Variants in ANKS3 observed in about 807,000 individuals in gnomAD.
ANKS3 encodes the protein ankyrin repeat and SAM domain-containing protein 3.
Under a neutral mutation model 80.7 loss-of-function variants are expected in ANKS3, and 62 were observed. The observed-to-expected ratio is 0.77, with a 90% CI of 0.63 to 0.95. The LOEUF (loss-of-function observed/expected upper bound fraction) is 0.95. Among genes scored for constraint, ANKS3 ranks in the 40% least tolerant of loss-of-function variants. The pLI, the probability that ANKS3 is intolerant of heterozygous loss-of-function variation, is 0.00. For synonymous variants in ANKS3, 489 were observed against 355.3 expected (o/e 1.38, Z -4.23); for missense variants, 1,150 against 883.6 (o/e 1.30, Z -3.82).
At chr16:4,729,938 C>A (rs369755503) in intron 3 of ANKS3, 42 bp downstream of exon 3, 2 of 1,442,292 alleles carry the variant, frequency 1.4e-6, no homozygotes, top group South Asian at 1.6e-5. Flanking sequence ...GCCATCACTG[C>A]GCTGCTCAAA....
At chr16:4,706,017 C>T (rs61167135) in intron 7 of ANKS3, among the ~76,000 whole-genome samples, 1,568 of 151,882 alleles carry the variant, frequency 0.01, 22 homozygotes, top group African/African-American at 0.037. Flanking sequence ...CCTATCTCAG[C>T]CTCCCGAGTA....
chr16:4,699,801 T>C (rs1384792524), intron 11 of ANKS3: 2 of 152,926 alleles, frequency 1.3e-5, no homozygotes, highest in Non-Finnish European at 2.9e-5. Context: ...TCACAAGTTG[T>C]CTGACTCTTC....
Position 4,725,123 on chromosome 16 carries a change from A to G in ANKS3, c.492-292T>C, listed in dbSNP as rs1016095424. ...GGCTACCTCTGAAATCTCCACCTCA[A>G]TCATATTCAAAAAGCTGTTCTAATT... On this transcript the variant is annotated intron_variant, in intron 5 of 17. Transcript: ENST00000304283. 8 of 273,396 alleles carry G rather than the reference A, an allele frequency of 2.9e-5. No individual in the cohort carries two copies. The Admixed American group carries it at 3.2e-4, about 11-fold the overall frequency. 16.9% of individuals were successfully genotyped at this position (273,396 alleles called of 1,614,324 possible).
In ANKS3 at chr16:4,698,424, C is replaced by T. The variant is rs1392526132; in HGVS notation, c.1724+3G>A. On this transcript the variant is annotated splice_donor_region_variant and intron_variant, in intron 14 of 17. Coordinates refer to ENST00000304283, the MANE Select transcript of ANKS3 (RefSeq NM_133450.4). ...CAGCCCAGGGCAGCTCAGAGCCACT[C>T]ACCGCAGCTGGTCCAGGACGAGGGC... is the stretch of plus-strand genomic sequence containing the variant. The T allele has an allele frequency of 6.6e-7, 1 of 1,511,690 alleles. No homozygotes were observed. Among genetic ancestry groups the T allele is most frequent in the South Asian group, 1.3e-5 (1 of 78,602 alleles). 93.6% of individuals were successfully genotyped at this position (1,511,690 alleles called of 1,614,324 possible). A position where few individuals can be genotyped will look rare whatever the true frequency, so the allele number is the denominator to read the frequency against.
At chr16:4,717,844 G>T (rs773730900) in intron 6 of ANKS3, among the ~76,000 whole-genome samples, 6 of 151,686 alleles carry the variant, frequency 4.0e-5, no homozygotes, top group Non-Finnish European at 5.9e-5. Flanking sequence ...CACCCAGGCT[G>T]GAGTGCAATG....
At chr16:4,698,639 C>G in intron 13 of ANKS3, 40 bp from the exon 14 acceptor site, 1 of 1,533,496 alleles carries the variant, frequency 6.5e-7, no homozygotes, top group Non-Finnish European at 8.7e-7. Context: ...TGGGAGGTGG[C>G]CGGTCAAGCC....
In ANKS3 at chr16:4,701,380, A is replaced by C. The variant is rs1360510891; in HGVS notation, c.1119+54T>G. 3.2e-5 allele frequency: 48 copies of C among 1,483,436 alleles called. No homozygotes were observed. In the East Asian group the frequency reaches 1.1e-3, roughly 34 times the overall value. The allele number at this position is 1,483,436 out of a possible 1,614,324, so 91.9% of individuals were successfully genotyped here. A position where few individuals can be genotyped will look rare whatever the true frequency, so the allele number is the denominator to read the frequency against. ...CATCTTAAAGTAACTGGGGGATGTC[A>C]GGCATCCCAGCCAGGGACCGGCTAT... On this transcript the variant is annotated intron_variant, in intron 10 of 17. Transcript: ENST00000304283.
At chr16:4,732,030 A>G (rs1454826327) in intron 1 of ANKS3, among the ~76,000 whole-genome samples, 2 of 152,188 alleles carry the variant, frequency 1.3e-5, no homozygotes, top group African/African-American at 4.8e-5. Context: ...TTTCTATTAA[A>G]GAATGCTTCC....
chr16:4,704,530 C>T (rs1023674002), intron 8 of ANKS3, among the ~76,000 whole-genome samples: 41 of 152,306 alleles, frequency 2.7e-4, no homozygotes, highest in Admixed American at 2.0e-3. Flanking sequence ...AAGAGCAAAA[C>T]GCTCAACACC....
chr16:4,715,964 T>C (rs965570027), intron 6 of ANKS3, among the ~76,000 whole-genome samples: 3 of 152,086 alleles, frequency 2.0e-5, no homozygotes, highest in Non-Finnish European at 4.4e-5. Context: ...ATGAGCTACG[T>C]GAGAGCATAT....
rs147440968 is a variant in ANKS3, at chr16:4,712,562, C to T, written c.709+1489G>A. On this transcript the variant is annotated intron_variant, in intron 7 of 17. Transcript: ENST00000304283. ...TTAGGAGGTTCATGAAGACAATCTACCATATGAAAATTCACCATCGTCTCC... is the reference window on the plus strand; with the variant it reads ...TTAGGAGGTTCATGAAGACAATCTATCATATGAAAATTCACCATCGTCTCC... Among the ~76,000 whole-genome samples the T allele has an allele frequency of 6.4e-4, 98 of 152,184 alleles. 1 individual carries two copies. In the East Asian group the frequency reaches 0.017, roughly 26 times the overall value.
chr16:4,714,092 G>C lies in ANKS3; in HGVS notation c.668C>G (p.Thr223Ser), dbSNP rs775247288. Reference protein sequence around the residue: ...GHMKIVALMDTYSPSLPKSLY... With the variant: ...GHMKIVALMDSYSPSLPKSLY... ...GCTCTTGGGCAGAGAGGGCGAGTAAGTGTCCATCAAGGCCACGATCTTCAT... is the reference window on the plus strand; with the variant it reads ...GCTCTTGGGCAGAGAGGGCGAGTAACTGTCCATCAAGGCCACGATCTTCAT... The change falls in exon 7 of 18, where the codon ACT (threonine) becomes AGT (serine). Residue 223 changes from threonine (T) to serine (S), a missense_variant. Thr to Ser is a moderately conservative substitution (Grantham distance 58). Transcript: ENST00000304283. The C allele has an allele frequency of 7.4e-6, 12 of 1,614,216 alleles. No homozygotes were observed. The highest frequency in any genetic ancestry group is 1.0e-5 in the Non-Finnish European group (12 of 1,180,050).
intron 1 of ANKS3, among the ~76,000 whole-genome samples, chr16:4,732,098 A>C (rs1416327801): frequency 4.6e-5 from 7 of 152,174 alleles, no homozygotes; most frequent in African/African-American, 1.7e-4. Context: ...TGGGAGACGA[A>C]CACTTCACAG....
Position 4,699,169 on chromosome 16 carries a change from G to T in ANKS3, c.1292C>A (p.Ala431Asp). The T allele has an allele frequency of 6.2e-7, 1 of 1,613,964 alleles. No individual in the cohort carries two copies. Among genetic ancestry groups the T allele is most frequent in the Non-Finnish European group, 8.5e-7 (1 of 1,179,978 alleles). ...ACACCCGATCTGCTCCAGCAGTGCG[G>T]CAAGGTCCTGGCAGGCACAGGGGAC... ...RAPYSGPQDL[A>D]ALLEQIGCLK... Residue 431 changes from alanine to aspartate, a missense_variant, in exon 12 of 18, where the codon GCC (alanine) becomes GAC (aspartate). Transcript: ENST00000304283.
Position 4,704,030 on chromosome 16 carries a change from C to T in ANKS3, c.868+1065G>A, listed in dbSNP as rs977635491. On this transcript the variant is annotated intron_variant, in intron 8 of 17. Coordinates refer to ENST00000304283, the MANE Select transcript of ANKS3 (RefSeq NM_133450.4). ...AAGGAAGAGACTCTGCCACTCAGAA[C>T]GACCAGCCCGGTGTCCCAGAGCCAG... Among the ~76,000 whole-genome samples, 4 of 152,344 alleles carry T rather than the reference C, an allele frequency of 2.6e-5. No individual in the cohort carries two copies. The East Asian group carries it at 5.8e-4, about 22-fold the overall frequency.
At chr16:4,711,967 C>A (rs1041133040) in intron 7 of ANKS3, among the ~76,000 whole-genome samples, 8 of 152,140 alleles carry the variant, frequency 5.3e-5, no homozygotes, top group African/African-American at 1.7e-4. Context: ...CCAGGTAGCA[C>A]TAATGCTACG....
Position 4,726,781 on chromosome 16 carries a change from C to T in ANKS3, c.370-1G>A. 1.2e-6 allele frequency: 2 copies of T among 1,612,420 alleles called. No homozygotes were observed. Among genetic ancestry groups the T allele is most frequent in the Non-Finnish European group, 1.7e-6 (2 of 1,178,628 alleles). ...CTTTCATTTCTAGCTCTGCACCTTGCTTCAAGAGAACACAGAACGTGCGTT... is the reference window on the plus strand; with the variant it reads ...CTTTCATTTCTAGCTCTGCACCTTGTTTCAAGAGAACACAGAACGTGCGTT... On this transcript the variant is annotated splice_acceptor_variant, in intron 4 of 17. Coordinates refer to ENST00000304283, the MANE Select transcript of ANKS3 (RefSeq NM_133450.4). LOFTEE classifies it high-confidence loss of function.
chr16:4,699,954 TGAAA>T (rs994579381), intron 11 of ANKS3: 47 of 152,438 alleles, frequency 3.1e-4, no homozygotes, highest in African/African-American at 1.0e-3. Context: ...AGCTATTTTC[TGAAA>T]GAAACATACT....
At chr16:4,698,986 C>T (rs557129144) in intron 12 of ANKS3, 45 bp from the exon 13 acceptor site, 7 of 1,613,464 alleles carry the variant, frequency 4.3e-6, no homozygotes, top group African/African-American at 4.0e-5. Context: ...GTCCCAAGAG[C>T]GCTTACATGA....
Sources: allele counts gnomAD v4.1 joint callset (sites outside exome capture counted in the v4.1 genomes callset), GRCh38; gene constraint gnomAD v4.1.1; transcripts MANE v1.5; gene names NCBI Gene and HGNC (gene_info 2026-07-23, HGNC 2026-07-21).